TGFBR3: variants seen among roughly 807,000 people sequenced by gnomAD.
TGFBR3 encodes transforming growth factor beta receptor type 3.
TGFBR3 carries 46 observed loss-of-function variants against 87.9 expected under a neutral mutation model. That is an observed-to-expected ratio of 0.52 (90% confidence interval 0.41 to 0.67). TGFBR3 has a LOEUF of 0.67. Among genes scored for constraint, TGFBR3 ranks in the 30% least tolerant of loss-of-function variants. The pLI is 0.00. For synonymous variants in TGFBR3, 381 were observed against 391.6 expected, an observed-to-expected ratio of 0.97 and a Z score of 0.32; for missense variants, 866 against 1,041.9, an observed-to-expected ratio of 0.83 and a Z score of 2.32.
chr1:91,862,379 GT>G (rs1241583494), intron 1 of TGFBR3, among the ~76,000 whole-genome samples: 3 of 152,096 alleles, frequency 2.0e-5, no homozygotes, highest in Admixed American at 6.5e-5. Flanking sequence ...ATCAAATTAA[GT>G]TGTGCTAGGA....
intron 2 of TGFBR3, among the ~76,000 whole-genome samples, chr1:91,817,710 C>G (rs1676284547): frequency 6.6e-6 from 1 of 152,142 alleles, no homozygotes; most frequent in Admixed American, 6.5e-5. Flanking sequence ...CATGAGTATT[C>G]TGAAGGTCAA....
chr1:91,807,390 T>C (rs1675872172), intron 2 of TGFBR3, among the ~76,000 whole-genome samples: 1 of 152,202 alleles, frequency 6.6e-6, no homozygotes, highest in Non-Finnish European at 1.5e-5. Flanking sequence ...AAAATCTACA[T>C]CCAAACCTTC....
At chr1:91,866,179 T>A (rs2489189) in intron 1 of TGFBR3, among the ~76,000 whole-genome samples, 16,067 of 152,210 alleles carry the variant, frequency 0.11, 1,248 homozygotes, top group East Asian at 0.41. Flanking sequence ...GGGTACAATA[T>A]TCCCTAAGGT....
At chr1:91,771,214 T>C (rs554882189) in intron 3 of TGFBR3, among the ~76,000 whole-genome samples, 1 of 152,316 alleles carries the variant, frequency 6.6e-6, no homozygotes, top group Admixed American at 6.5e-5. Flanking sequence ...GCATTTACTA[T>C]TCATTCCTCA....
chr1:91,736,673 A>G (rs183916083), intron 4 of TGFBR3, among the ~76,000 whole-genome samples: 47 of 152,214 alleles, frequency 3.1e-4, no homozygotes, highest in Admixed American at 1.1e-3. Context: ...AACTTCCAAC[A>G]ATGTTTATCT....
At chr1:91,852,152 G>A (rs1437853707) in intron 2 of TGFBR3, among the ~76,000 whole-genome samples, 1 of 152,182 alleles carries the variant, frequency 6.6e-6, no homozygotes, top group African/African-American at 2.4e-5. Flanking sequence ...AAGAGGCTGA[G>A]GTGGGAGGAT....
chr1:91,699,723 C>T (rs1367960656), intron 14 of TGFBR3, among the ~76,000 whole-genome samples: 3 of 152,144 alleles, frequency 2.0e-5, no homozygotes, highest in African/African-American at 7.2e-5. Flanking sequence ...GTGACTAGAG[C>T]CCAAGGTCAC....
chr1:91,849,673 T>C (rs1189112675), intron 2 of TGFBR3, among the ~76,000 whole-genome samples: 3 of 152,242 alleles, frequency 2.0e-5, no homozygotes, highest in Non-Finnish European at 4.4e-5. Context: ...GATTTTTATC[T>C]GTTTTGTTTA....
rs1345223689 is a variant in TGFBR3 at position 91,707,895 on chromosome 1, T to C, written c.2287+768A>G. ...AGCTGTGATGCGGGTCCTTGTCAGA[T>C]GCTCTTCTCACCGCCCACAGGGCCT... On this transcript the variant is annotated intron_variant, in intron 14 of 16. Coordinates refer to ENST00000212355, the MANE Select transcript of TGFBR3 (RefSeq NM_003243.5). 2.0e-5 allele frequency among the ~76,000 whole-genome samples: 3 copies of C among 152,354 alleles called. No homozygotes were observed. In the South Asian group the frequency reaches 6.2e-4, roughly 32 times the overall value.
intron 2 of TGFBR3, among the ~76,000 whole-genome samples, chr1:91,803,158 C>T (rs1286612336): frequency 6.6e-6 from 1 of 152,216 alleles, no homozygotes; most frequent in South Asian, 2.1e-4. Flanking sequence ...TCTGGCCCTG[C>T]TTCCTGCCAC....
chr1:91,867,762 T>C (rs1678440281), intron 1 of TGFBR3, among the ~76,000 whole-genome samples: 1 of 152,122 alleles, frequency 6.6e-6, no homozygotes, highest in African/African-American at 2.4e-5. Context: ...TATTTGGGGG[T>C]TCAAAACCTG....
chr1:91,753,426 A>T (rs1673627219), intron 4 of TGFBR3, among the ~76,000 whole-genome samples: 2 of 147,122 alleles, frequency 1.4e-5, no homozygotes, highest in Admixed American at 6.8e-5. Context: ...AAAGTGCTGC[A>T]GCAAGTTTTT....
chr1:91,842,588 T>C (rs1015867613), intron 2 of TGFBR3, among the ~76,000 whole-genome samples: 1 of 152,164 alleles, frequency 6.6e-6, no homozygotes, highest in Non-Finnish European at 1.5e-5. Flanking sequence ...TCCTCAGCCA[T>C]CTCCCAAGGA....
chr1:91,821,593 A>G (rs934416350), intron 2 of TGFBR3, among the ~76,000 whole-genome samples: 1 of 152,202 alleles, frequency 6.6e-6, no homozygotes, highest in Non-Finnish European at 1.5e-5. Flanking sequence ...TAGGAAGCAG[A>G]GAATCCTGGT....
At chr1:91,803,325 C>A (rs1467706534) in intron 2 of TGFBR3, among the ~76,000 whole-genome samples, 1 of 152,212 alleles carries the variant, frequency 6.6e-6, no homozygotes, top group Non-Finnish European at 1.5e-5. Context: ...TTTCCCAATC[C>A]CGCTAGCAGC....
intron 3 of TGFBR3, among the ~76,000 whole-genome samples, chr1:91,763,137 T>C (rs1045727945): frequency 1.3e-5 from 2 of 152,252 alleles, no homozygotes; most frequent in Non-Finnish European, 2.9e-5. Context: ...CCCTACTTGC[T>C]TTATGGAAAG....
intron 2 of TGFBR3, among the ~76,000 whole-genome samples, chr1:91,818,731 C>T (rs1469882552): frequency 1.3e-5 from 2 of 152,118 alleles, no homozygotes; most frequent in African/African-American, 4.8e-5. Context: ...CACGTTTGTG[C>T]TTTCTGTTAT....
At chr1:91,765,930 C>G (rs1390762860) in intron 3 of TGFBR3, among the ~76,000 whole-genome samples, 1 of 152,164 alleles carries the variant, frequency 6.6e-6, no homozygotes, top group Non-Finnish European at 1.5e-5. Context: ...TTCCCTGTCA[C>G]ATTTAATAAA....
At chr1:91,722,697 G>A (rs553192521) in intron 7 of TGFBR3, among the ~76,000 whole-genome samples, 1 of 152,254 alleles carries the variant, frequency 6.6e-6, no homozygotes, top group Non-Finnish European at 1.5e-5. Context: ...ATCATAGAGT[G>A]CACTTACACA....
Sources: gnomAD v4.1 joint callset for allele counts (sites outside exome capture counted in the v4.1 genomes callset) on GRCh38, gnomAD v4.1.1 for gene constraint, MANE v1.5 for transcripts, NCBI Gene and HGNC (gene_info 2026-07-23, HGNC 2026-07-21) for gene names.